TIAM1: variants seen among roughly 807,000 people sequenced by gnomAD.
TIAM1 encodes rho guanine nucleotide exchange factor TIAM1.
Under a neutral mutation model 163.5 loss-of-function variants are expected in TIAM1, and 65 were observed. That is an observed-to-expected ratio of 0.40 (90% confidence interval 0.33 to 0.49). The LOEUF is 0.49. TIAM1 is among the 20% of genes least tolerant of loss of function. The pLI is 0.77. For missense variants in TIAM1, 1,789 were observed against 2,044.7 expected (o/e 0.87, Z 2.41); for synonymous variants, 833 against 810.1 (o/e 1.03, Z -0.48).
chr21:31,522,372 T>C (rs968994204), intron 1 of TIAM1, among the ~76,000 whole-genome samples: 3 of 151,138 alleles, frequency 2.0e-5, no homozygotes, highest in Non-Finnish European at 4.4e-5. Context: ...CAGCCAGGCA[T>C]GGTGGCGCAT....
intron 1 of TIAM1, among the ~76,000 whole-genome samples, chr21:31,465,080 C>T (rs925635058): frequency 2.6e-5 from 4 of 151,442 alleles, no homozygotes; most frequent in African/African-American, 9.7e-5. Flanking sequence ...CAACTGTAGT[C>T]CCAGCGACTA....
intron 1 of TIAM1, among the ~76,000 whole-genome samples, chr21:31,494,246 G>A (rs1428076436): frequency 1.3e-5 from 2 of 152,058 alleles, no homozygotes; most frequent in South Asian, 2.1e-4. Context: ...CCCTCTACAG[G>A]CTCTGAACAC....
intron 19 of TIAM1, among the ~76,000 whole-genome samples, chr21:31,150,340 C>T (rs545480179): frequency 1.6e-4 from 24 of 152,218 alleles, no homozygotes; most frequent in East Asian, 5.8e-4. Context: ...GTCTTTACCC[C>T]GGCTCCAAAA....
chr21:31,403,075 C>T (rs1379764874), intron 2 of TIAM1, among the ~76,000 whole-genome samples: 3 of 152,168 alleles, frequency 2.0e-5, no homozygotes, highest in African/African-American at 7.2e-5. Context: ...CCTGAAATGC[C>T]GAATCCCAAA....
chr21:31,342,993 C>T (rs1451451511), intron 1 of TIAM1, among the ~76,000 whole-genome samples: 1 of 152,272 alleles, frequency 6.6e-6, no homozygotes, highest in African/African-American at 2.4e-5. Context: ...CAGCTACTGA[C>T]ATTTTCCTGA....
chr21:31,550,212 G>A (rs776592352), intron 1 of TIAM1, among the ~76,000 whole-genome samples: 2 of 151,936 alleles, frequency 1.3e-5, no homozygotes, highest in African/African-American at 2.4e-5. Flanking sequence ...ACACACAAAG[G>A]CCAAAAGGTG....
Position 31,499,752 on chromosome 21 carries a change from A to C in TIAM1, c.-421-35717T>G, listed in dbSNP as rs1423365702. Among the ~76,000 whole-genome samples the C allele has an allele frequency of 4.6e-5, 7 of 152,158 alleles. No homozygotes were observed. The East Asian group carries it at 1.4e-3, about 29-fold the overall frequency. The stretch of plus-strand genomic sequence containing the variant: ...GTAATCCCACCTACTCAGGAGGCTG[A>C]GGCAGGAGAATTGCTTGAACCTGGG... On this transcript the variant is annotated intron_variant, in intron 1 of 28. Coordinates refer to the TIAM1 transcript ENST00000286827.
chr21:31,261,176 G>A (rs1389939032), intron 4 of TIAM1, among the ~76,000 whole-genome samples: 1 of 151,812 alleles, frequency 6.6e-6, no homozygotes, highest in African/African-American at 2.4e-5. Context: ...GGATGGCTCT[G>A]CTACAGTTAT....
chr21:31,331,105 C>T (rs1010718916), intron 2 of TIAM1, among the ~76,000 whole-genome samples: 2 of 151,884 alleles, frequency 1.3e-5, no homozygotes, highest in African/African-American at 4.8e-5. Flanking sequence ...ACATACAGAG[C>T]CAGTGCTAAA....
chr21:31,224,093 G>A (rs2087786336), intron 7 of TIAM1, among the ~76,000 whole-genome samples: 1 of 152,198 alleles, frequency 6.6e-6, no homozygotes, highest in Admixed American at 6.5e-5. Flanking sequence ...AGTTCCAACT[G>A]TAGCATGTCT....
rs140465264 is a variant in TIAM1 at position 31,220,498 on chromosome 21, T to A, written c.1996-2799A>T. On this transcript the variant is annotated intron_variant, in intron 8 of 27. Transcript: ENST00000541036. ...ATGTACCCTAGAACTTAAAGTATAA[T>A]GTAAAAAAAAGAAAGAAAAAAGAAA... is the stretch of plus-strand genomic sequence containing the variant. 4.3e-4 allele frequency among the ~76,000 whole-genome samples: 65 copies of A among 151,992 alleles called. 1 individual carries two copies. The East Asian group carries it at 0.012, about 29-fold the overall frequency.
intron 2 of TIAM1, among the ~76,000 whole-genome samples, chr21:31,423,854 CGGG>C (rs1244509919): frequency 2.4e-4 from 6 of 24,810 alleles, no homozygotes; most frequent in Non-Finnish European, 7.6e-4. Flanking sequence ...TAATGATTAT[CGGG>C]GGGGGCGGGG....
At chr21:31,398,159 A>C (rs968913760) in intron 2 of TIAM1, among the ~76,000 whole-genome samples, 1 of 81,392 alleles carries the variant, frequency 1.2e-5, no homozygotes, top group Non-Finnish European at 2.3e-5. Context: ...TCTTCAGGGC[A>C]AAAAAAAAAA....
At chr21:31,385,977 T>C (rs1382078015) in intron 2 of TIAM1, among the ~76,000 whole-genome samples, 3 of 148,404 alleles carry the variant, frequency 2.0e-5, no homozygotes, top group Non-Finnish European at 3.0e-5. Context: ...ATAATATATA[T>C]AATAAACATT....
At chr21:31,142,630 C>CAA (rs35209332) in intron 20 of TIAM1, among the ~76,000 whole-genome samples, 14 of 101,470 alleles carry the variant, frequency 1.4e-4, no homozygotes, top group Non-Finnish European at 2.3e-4. Flanking sequence ...GACTCCGTCT[C>CAA]AAAAAAAAAA....
intron 2 of TIAM1, among the ~76,000 whole-genome samples, chr21:31,431,704 G>C (rs1370568470): frequency 4.6e-5 from 7 of 152,172 alleles, no homozygotes; most frequent in Non-Finnish European, 8.8e-5. Flanking sequence ...GACAAACCCA[G>C]ATGGTACAGC....
chr21:31,135,934 G>C lies in TIAM1; in HGVS notation c.3882C>G (p.Phe1294Leu), dbSNP rs567504389. 1 of 1,613,910 alleles carries C rather than the reference G, an allele frequency of 6.2e-7. No homozygotes were observed. Among genetic ancestry groups the C allele is most frequent in the Non-Finnish European group, 8.5e-7 (1 of 1,179,884 alleles). Reference sequence around the variant, plus strand: ...ATAAAACGCTTTTCTGATACACACCGAATGCTGCCAACTCTGGTTCCTTTT... The same window carrying C: ...ATAAAACGCTTTTCTGATACACACCCAATGCTGCCAACTCTGGTTCCTTTT... ...KWKKEPELAA[F>L]VFKTAVVLVY... The change falls in exon 23 of 28, where the codon TTC becomes TTG. Residue 1294 changes from phenylalanine to leucine, a missense_variant and splice_region_variant. Phe to Leu is a conservative substitution (Grantham distance 22). This residue lies in a region of TIAM1 where 415 missense variants were observed against 439.2 expected (regional missense o/e 0.94). Coordinates refer to ENST00000541036, the MANE Select transcript of TIAM1 (RefSeq NM_001353694.2).
intron 15 of TIAM1, among the ~76,000 whole-genome samples, chr21:31,167,261 T>C (rs916236294): frequency 1.1e-4 from 16 of 151,864 alleles, no homozygotes; most frequent in African/African-American, 3.9e-4. Context: ...CCGGCTAACT[T>C]TTGTATTTTT....
chr21:31,240,002 A>G (rs565641621), intron 6 of TIAM1, among the ~76,000 whole-genome samples: 1 of 152,324 alleles, frequency 6.6e-6, no homozygotes, highest in South Asian at 2.1e-4. Context: ...AAATGTGGAC[A>G]AACATAACCT....
Sources: gnomAD v4.1 joint callset for allele counts (sites outside exome capture counted in the v4.1 genomes callset) on GRCh38, gnomAD v4.1.1 for gene constraint, gnomAD v4.1.1 regional missense constraint, MANE v1.5 for transcripts, NCBI Gene and HGNC (gene_info 2026-07-23, HGNC 2026-07-21) for gene names.